Variants in WDCP observed in about 807,000 individuals in gnomAD.
WDCP encodes WD repeat and coiled-coil-containing protein.
WDCP carries 19 observed loss-of-function variants against 41.6 expected under a neutral mutation model. The observed-to-expected ratio is 0.46, with a 90% CI of 0.32 to 0.67. The LOEUF (loss-of-function observed/expected upper bound fraction) is 0.67. Ranked by LOEUF, WDCP falls within the 30% of genes least tolerant of loss-of-function variation. The pLI is 0.04. For missense variants in WDCP, 802 were observed against 850.7 expected (o/e 0.94, Z 0.71); for synonymous variants, 302 against 320.8 (o/e 0.94, Z 0.63).
chr2:24,037,904 G>C lies in WDCP; in HGVS notation c.1591C>G (p.Pro531Ala). The change falls in exon 2 of 4, where the codon CCA becomes GCA. Residue 531 changes from proline to alanine, a missense_variant. Pro to Ala is a conservative substitution (Grantham distance 27). Coordinates refer to ENST00000295148, the MANE Select transcript of WDCP (RefSeq NM_025203.3). ...GGCTCCAGTGTGCTGGTGTGGTCTG[G>C]TGTGCTGCTGTGTCTGGGCAGCGAT... ...PASLPRHSST[P>A]DHTSTLEPPR... 6.2e-7 allele frequency: 1 copy of C among 1,614,114 alleles called. No individual in the cohort carries two copies. The highest frequency in any genetic ancestry group is 8.5e-7 in the Non-Finnish European group (1 of 1,180,004).
intron 2 of WDCP, among the ~76,000 whole-genome samples, chr2:24,036,475 G>A (rs886736980): frequency 1.1e-4 from 16 of 152,150 alleles, no homozygotes; most frequent in Admixed American, 3.9e-4. Flanking sequence ...CATAGCTGGC[G>A]GGCGTGTGAT....
chr2:24,032,196 A>G (rs907334499), intron 3 of WDCP, among the ~76,000 whole-genome samples: 3 of 152,088 alleles, frequency 2.0e-5, no homozygotes, highest in African/African-American at 7.2e-5. Context: ...ACAGAGTGAG[A>G]CCCCGTTATC....
intron 2 of WDCP, 144 bp from the exon 3 acceptor site, chr2:24,033,090 T>G: frequency 1.4e-6 from 1 of 706,564 alleles, no homozygotes; most frequent in Non-Finnish European, 2.6e-6. Flanking sequence ...AAGGAGCTCT[T>G]TGCTGCATTA....
intron 1 of WDCP, among the ~76,000 whole-genome samples, chr2:24,044,779 G>A (rs1265413059): frequency 7.0e-6 from 1 of 141,988 alleles, no homozygotes; most frequent in Non-Finnish European, 1.5e-5. Context: ...CTTTCCAAAT[G>A]AGCCTGCATA....
rs561550359 is a variant in WDCP, at chr2:24,035,507, T to C, written c.1818+2170A>G. 9.2e-5 allele frequency among the ~76,000 whole-genome samples: 14 copies of C among 151,926 alleles called. No homozygotes were observed. In the South Asian group the frequency reaches 2.5e-3, roughly 27 times the overall value. On this transcript the variant is annotated intron_variant, in intron 2 of 3. Coordinates refer to ENST00000295148, the MANE Select transcript of WDCP (RefSeq NM_025203.3). ...AGTTTTGCTTTTTAAACCAAATAAA[T>C]GAATTACCTATTAAAAAAAGACAGA...
At position 24,029,566 on chromosome 2, in the gene WDCP, A is replaced by G. The variant is rs3204; in HGVS notation, c.*1367T>C. The G allele has an allele frequency of 0.48, 72,213 of 152,006 alleles. 17,884 individuals are homozygous for G. Among genetic ancestry groups the G allele is most frequent in the East Asian group, 0.81 (4,200 of 5,176 alleles). The allele number at this position is 152,006 out of a possible 1,614,324, so 9.4% of individuals were successfully genotyped here. A position where few individuals can be genotyped will look rare whatever the true frequency, so the allele number is the denominator to read the frequency against. ...AGTCACTGCTCTCCCACAGCTGATT[A>G]CAGACATTGCCTGTGCTTCCTACCC... is the stretch of plus-strand genomic sequence containing the variant. On this transcript the variant is annotated 3_prime_UTR_variant, in exon 4 of 4. Coordinates refer to ENST00000295148, the MANE Select transcript of WDCP (RefSeq NM_025203.3).
chr2:24,031,464 C>G (rs536854930), intron 3 of WDCP, among the ~76,000 whole-genome samples: 1 of 152,322 alleles, frequency 6.6e-6, no homozygotes, highest in Admixed American at 6.5e-5. Flanking sequence ...ATGACTCAGT[C>G]CCTTGCCACT....
intron 2 of WDCP, among the ~76,000 whole-genome samples, chr2:24,034,552 A>C (rs1191786764): frequency 2.7e-5 from 4 of 150,382 alleles, no homozygotes; most frequent in African/African-American, 4.9e-5. Context: ...TAAAAAACTG[A>C]GGAATTGAAA....
At chr2:24,042,275 C>T (rs1663466405) in intron 1 of WDCP, among the ~76,000 whole-genome samples, 2 of 151,986 alleles carry the variant, frequency 1.3e-5, no homozygotes, top group Non-Finnish European at 2.9e-5. Flanking sequence ...CAGTGGCTCA[C>T]GCCTGTAATC....
At chr2:24,042,185 T>C (rs1411087752) in intron 1 of WDCP, among the ~76,000 whole-genome samples, 3 of 151,204 alleles carry the variant, frequency 2.0e-5, no homozygotes, top group African/African-American at 7.3e-5. Flanking sequence ...GCAGATCACG[T>C]GAGGTCAGGA....
At chr2:24,040,946 G>A (rs988198672) in intron 1 of WDCP, among the ~76,000 whole-genome samples, 2 of 152,100 alleles carry the variant, frequency 1.3e-5, no homozygotes, top group South Asian at 2.1e-4. Flanking sequence ...AACTGGGGAG[G>A]CAGAGGCTAC....
Position 24,038,481 on chromosome 2 carries a change from G to C in WDCP, c.1014C>G (p.Gly338=). 2 of 1,614,224 alleles carry C rather than the reference G, an allele frequency of 1.2e-6. No individual in the cohort carries two copies. Among genetic ancestry groups the C allele is most frequent in the Non-Finnish European group, 1.7e-6 (2 of 1,180,050 alleles). The part of the protein sequence containing the change: ...VTMTRKVTIP[G]ILVPDLIAFN... ...ATGCTATCAGATCAGGAACCAGAAT[G>C]CCTGGAATAGTGACTTTTCTCGTCA... The change falls in exon 2 of 4, where the codon GGC becomes GGG. Residue 338 remains glycine, a synonymous_variant. Coordinates refer to ENST00000295148, the MANE Select transcript of WDCP (RefSeq NM_025203.3).
At chr2:24,045,595 C>A (rs1489276752) in intron 1 of WDCP, among the ~76,000 whole-genome samples, 1 of 77,802 alleles carries the variant, frequency 1.3e-5, no homozygotes. Context: ...AGCAAGACTC[C>A]ATCTCAAAAA....
In WDCP at chr2:24,030,842, T is replaced by C. The variant is rs1453469173; in HGVS notation, c.*91A>G. ...TGGCAAGCGCTTCGCCTGAGTGCAG[T>C]GGGAGTCTCATTGGCGAGTGTCCAG... On this transcript the variant is annotated 3_prime_UTR_variant, in exon 4 of 4. Transcript: ENST00000295148. 2.0e-6 allele frequency: 2 copies of C among 987,042 alleles called. No individual in the cohort carries two copies. The highest frequency in any genetic ancestry group is 3.2e-5 in the African/African-American group (2 of 61,728). The allele number at this position is 987,042 out of a possible 1,614,324, so 61.1% of individuals were successfully genotyped here.
rs1258753733 is a variant in WDCP at position 24,030,510 on chromosome 2, G to T, written c.*423C>A. On this transcript the variant is annotated 3_prime_UTR_variant, in exon 4 of 4. Transcript: ENST00000295148. Reference sequence around the variant, plus strand: ...ATGCTAGAGCACATGCCCCCCAGCAGACTCCTCAACCTCCTCTTGAAGCCA... The same window carrying T: ...ATGCTAGAGCACATGCCCCCCAGCATACTCCTCAACCTCCTCTTGAAGCCA... 1.9e-5 allele frequency: 3 copies of T among 157,610 alleles called. No individual in the cohort carries two copies. The highest frequency in any genetic ancestry group is 4.2e-5 in the Non-Finnish European group (3 of 71,638). The allele number at this position is 157,610 out of a possible 1,614,324, so 9.8% of individuals were successfully genotyped here.
At chr2:24,045,346 A>G (rs1186440170) in intron 1 of WDCP, among the ~76,000 whole-genome samples, 1 of 152,138 alleles carries the variant, frequency 6.6e-6, no homozygotes, top group African/African-American at 2.4e-5. Context: ...TCATGCCTGT[A>G]ATCCCAGCAC....
chr2:24,030,542 A>C lies in WDCP; in HGVS notation c.*391T>G, dbSNP rs1033795280. 2 of 161,290 alleles carry C rather than the reference A, an allele frequency of 1.2e-5. No individual in the cohort carries two copies. The highest frequency in any genetic ancestry group is 4.8e-5 in the African/African-American group (2 of 41,644). 10.0% of individuals were successfully genotyped at this position (161,290 alleles called of 1,614,324 possible). A position where few individuals can be genotyped will look rare whatever the true frequency, so the allele number is the denominator to read the frequency against. ...CAACCTCCTCTTGAAGCCAAGAAAAAGACCTATAACAATGCCAAGGTATCT... is the reference window on the plus strand; with the variant it reads ...CAACCTCCTCTTGAAGCCAAGAAAACGACCTATAACAATGCCAAGGTATCT... On this transcript the variant is annotated 3_prime_UTR_variant, in exon 4 of 4. Coordinates refer to ENST00000295148, the MANE Select transcript of WDCP (RefSeq NM_025203.3).
chr2:24,043,489 C>T (rs890593252), intron 1 of WDCP, among the ~76,000 whole-genome samples: 10 of 132,970 alleles, frequency 7.5e-5, no homozygotes, highest in Admixed American at 1.4e-4. Flanking sequence ...ACTGTCTCTA[C>T]TTAAAACAAA....
intron 1 of WDCP, among the ~76,000 whole-genome samples, chr2:24,041,195 C>T (rs556781994): frequency 2.6e-4 from 40 of 151,420 alleles, no homozygotes; most frequent in African/African-American, 8.2e-4. Flanking sequence ...AAAAATTAGC[C>T]GGGCATGGTG....
Sources: allele counts gnomAD v4.1 joint callset (sites outside exome capture counted in the v4.1 genomes callset), GRCh38; gene constraint gnomAD v4.1.1; transcripts MANE v1.5; gene names NCBI Gene and HGNC (gene_info 2026-07-23, HGNC 2026-07-21).